The following IMMP2L variants were observed in gnomAD, a reference collection of about 807,000 sequenced individuals.
IMMP2L encodes mitochondrial inner membrane protease subunit 2.
Under a neutral mutation model 19.3 loss-of-function variants are expected in IMMP2L, and 18 were observed. The ratio of observed to expected loss-of-function variants is 0.93; its 90% CI spans 0.64 to 1.38. The LOEUF is 1.38. Among genes scored for constraint, IMMP2L ranks in the 40% most tolerant of loss-of-function variants. IMMP2L has a pLI of 0.00. For missense variants in IMMP2L, 233 were observed against 218.2 expected, an observed-to-expected ratio of 1.07 and a Z score of -0.43; for synonymous variants, 76 against 73.0, an observed-to-expected ratio of 1.04 and a Z score of -0.21.
chr7:110,964,063 T>G (rs1331986741), intron 3 of IMMP2L, among the ~76,000 whole-genome samples: 1 of 151,940 alleles, frequency 6.6e-6, no homozygotes, highest in African/African-American at 2.4e-5. Context: ...CCCCTTCGCT[T>G]GCTTGCTCTC....
intron 3 of IMMP2L, among the ~76,000 whole-genome samples, chr7:111,351,977 G>C (rs1300961051): frequency 6.6e-6 from 1 of 152,150 alleles, no homozygotes; most frequent in East Asian, 1.9e-4. Flanking sequence ...TTAAACATCA[G>C]TTTCAACAGA....
At chr7:110,978,696 C>A (rs557937732) in intron 3 of IMMP2L, among the ~76,000 whole-genome samples, 1 of 152,006 alleles carries the variant, frequency 6.6e-6, no homozygotes, top group Non-Finnish European at 1.5e-5. Context: ...ATCATCTACA[C>A]TAAACATTCT....
intron 4 of IMMP2L, among the ~76,000 whole-genome samples, chr7:110,944,701 T>C (rs1472982828): frequency 6.6e-6 from 1 of 151,942 alleles, no homozygotes; most frequent in Admixed American, 6.6e-5. Context: ...ATGACTGGGA[T>C]GGAAGTGGCA....
chr7:111,424,809 T>C (rs1835909625), intron 3 of IMMP2L, among the ~76,000 whole-genome samples: 1 of 151,898 alleles, frequency 6.6e-6, no homozygotes, highest in Admixed American at 6.6e-5. Flanking sequence ...CACCATATTT[T>C]GACTTTGCAA....
chr7:111,216,408 T>C (rs905884792), intron 3 of IMMP2L, among the ~76,000 whole-genome samples: 1 of 152,170 alleles, frequency 6.6e-6, no homozygotes, highest in Non-Finnish European at 1.5e-5. Context: ...TTATCACAAA[T>C]TGTCAATTTA....
At chr7:111,447,890 A>C (rs1311916374) in intron 3 of IMMP2L, among the ~76,000 whole-genome samples, 1 of 150,344 alleles carries the variant, frequency 6.7e-6, no homozygotes, top group Admixed American at 6.6e-5. Context: ...AAAACAAAAA[A>C]AGGCAGGGGT....
chr7:110,869,916 C>T (rs1166528926), intron 5 of IMMP2L, among the ~76,000 whole-genome samples: 1 of 152,048 alleles, frequency 6.6e-6, no homozygotes, highest in Non-Finnish European at 1.5e-5. Flanking sequence ...TTGGACTTTG[C>T]CTTTTTAATA....
chr7:110,749,206 A>C (rs1797571521), intron 5 of IMMP2L, among the ~76,000 whole-genome samples: 1 of 152,220 alleles, frequency 6.6e-6, no homozygotes, highest in Non-Finnish European at 1.5e-5. Flanking sequence ...ATACCATCTC[A>C]TGCCAGTTAG....
chr7:111,022,074 A>C (rs973449386), intron 3 of IMMP2L, among the ~76,000 whole-genome samples: 1 of 152,082 alleles, frequency 6.6e-6, no homozygotes, highest in African/African-American at 2.4e-5. Flanking sequence ...ATCAATCAAC[A>C]TTTCCTAAGT....
chr7:110,821,614 T>A (rs959655492), intron 5 of IMMP2L, among the ~76,000 whole-genome samples: 32 of 151,782 alleles, frequency 2.1e-4, no homozygotes, highest in African/African-American at 7.3e-4. Context: ...AAATCCCTTA[T>A]AGAAAAAGGA....
intron 3 of IMMP2L, among the ~76,000 whole-genome samples, chr7:111,351,363 G>T (rs2130887984): frequency 6.6e-6 from 1 of 152,112 alleles, no homozygotes; most frequent in South Asian, 2.1e-4. Context: ...GCTAATTTTT[G>T]TATTTTTAGT....
intron 5 of IMMP2L, among the ~76,000 whole-genome samples, chr7:110,823,857 CATTA>C (rs1803240306): frequency 6.6e-6 from 1 of 152,024 alleles, no homozygotes; most frequent in East Asian, 1.9e-4. Context: ...TATGGCTATT[CATTA>C]ATTAATAACA....
At chr7:110,915,898 C>T (rs970208283) in intron 4 of IMMP2L, among the ~76,000 whole-genome samples, 1 of 152,074 alleles carries the variant, frequency 6.6e-6, no homozygotes, top group Non-Finnish European at 1.5e-5. Context: ...AAAATCATGC[C>T]ATCTCCTGAG....
intron 2 of IMMP2L, chr7:111,492,456 C>T (rs756024419): frequency 1.1e-6 from 1 of 881,230 alleles, no homozygotes; most frequent in Non-Finnish European, 1.4e-6. Context: ...TTTTTCCCCA[C>T]TTGGAAACTT....
In IMMP2L at chr7:111,503,068, T is replaced by C. The variant is rs551964892; in HGVS notation, c.136-15727A>G. On this transcript the variant is annotated intron_variant, in intron 2 of 5. Coordinates refer to ENST00000405709, the MANE Select transcript of IMMP2L (RefSeq NM_032549.4). ...GAAAAGATCAACAAAATCGATAGAC[T>C]GCTAGCAAGACTAATAAAGAAAAAA... Among the ~76,000 whole-genome samples the C allele has an allele frequency of 4.5e-3, 687 of 151,912 alleles. 22 individuals are homozygous for C. Among genetic ancestry groups the C allele is most frequent in the Admixed American group, 0.039 (599 of 15,250 alleles).
chr7:111,073,400 T>G (rs1050075135), intron 3 of IMMP2L, among the ~76,000 whole-genome samples: 2 of 152,078 alleles, frequency 1.3e-5, no homozygotes, highest in African/African-American at 2.4e-5. Flanking sequence ...TCTTGCATAT[T>G]TTTTACAAGT....
chr7:111,499,379 T>C (rs930767277), intron 2 of IMMP2L, among the ~76,000 whole-genome samples: 4 of 152,072 alleles, frequency 2.6e-5, no homozygotes, highest in African/African-American at 9.7e-5. Context: ...CCCTCACATA[T>C]GCAAAATACA....
At chr7:111,542,954 T>C (rs891073991) in intron 1 of IMMP2L, among the ~76,000 whole-genome samples, 1 of 152,152 alleles carries the variant, frequency 6.6e-6, no homozygotes, top group African/African-American at 2.4e-5. Context: ...TCTAAAAAAT[T>C]CTGCCCTTTT....
At chr7:110,975,345 T>C (rs1218819583) in intron 3 of IMMP2L, among the ~76,000 whole-genome samples, 1 of 152,152 alleles carries the variant, frequency 6.6e-6, no homozygotes, top group Non-Finnish European at 1.5e-5. Flanking sequence ...ATCTAGTCAC[T>C]TTCAAGTCAA....
Sources: allele counts gnomAD v4.1 joint callset (sites outside exome capture counted in the v4.1 genomes callset), GRCh38; gene constraint gnomAD v4.1.1; transcripts MANE v1.5; gene names NCBI Gene and HGNC (gene_info 2026-07-23, HGNC 2026-07-21).